PIWIL1: variants seen among roughly 807,000 people sequenced by gnomAD.
The protein encoded by PIWIL1 is piwi like RNA-mediated gene silencing 1.
Under a neutral mutation model 114.4 loss-of-function variants are expected in PIWIL1, and 73 were observed. That is an observed-to-expected ratio of 0.64 (90% CI 0.53 to 0.78). PIWIL1 has a LOEUF of 0.78. Among genes scored for constraint, PIWIL1 ranks in the 30% least tolerant of loss-of-function variants. The pLI is 0.00. For synonymous variants in PIWIL1, 375 were observed against 369.0 expected, an observed-to-expected ratio of 1.02 and a Z score of -0.19; for missense variants, 723 against 1,063.1, an observed-to-expected ratio of 0.68 and a Z score of 4.45.
chr12:130,343,875 G>T (rs1593085345), intron 3 of PIWIL1, among the ~76,000 whole-genome samples: 2 of 152,020 alleles, frequency 1.3e-5, no homozygotes, highest in Admixed American at 6.5e-5. Flanking sequence ...GATCCTCCCG[G>T]CTTAGCCTCC....
rs1287794403 is a variant in PIWIL1 at position 130,348,173 on chromosome 12, C to T, written c.724C>T (p.Pro242Ser). ...YYNPNDPIDIPSHRLVIWPGF... is the reference protein window; with the variant it reads ...YYNPNDPIDISSHRLVIWPGF... ...TAACCCAAATGACCCAATTGATATT[C>T]CAAGTCACAGGTTTGTATGAAGTAG... is the stretch of plus-strand genomic sequence containing the variant. Residue 242 changes from proline (P) to serine (S), a missense_variant, in exon 7 of 21, where the codon CCA becomes TCA. By Grantham distance (74) the Pro-to-Ser change is moderately conservative. Coordinates refer to ENST00000245255, the MANE Select transcript of PIWIL1 (RefSeq NM_004764.5). 2 of 1,589,622 alleles carry T rather than the reference C, an allele frequency of 1.3e-6. No individual in the cohort carries two copies. The highest frequency in any genetic ancestry group is 1.1e-5 in the South Asian group (1 of 90,112).
the PIWIL1 span, among the ~76,000 whole-genome samples, chr12:130,423,921 G>C: frequency 2.6e-5 from 4 of 152,196 alleles, no homozygotes; most frequent in South Asian, 4.2e-4. Context: ...ACTGATTCTG[G>C]GGGGTGGAAA....
the PIWIL1 span, among the ~76,000 whole-genome samples, chr12:130,389,751 A>T: frequency 6.6e-6 from 1 of 151,954 alleles, no homozygotes; most frequent in Non-Finnish European, 1.5e-5. Context: ...ACTGGCTTCT[A>T]CTCTTTATCT....
intron 6 of PIWIL1, 75 bp from the exon 7 acceptor site, chr12:130,348,028 C>A: frequency 9.8e-7 from 1 of 1,022,682 alleles, no homozygotes; most frequent in Non-Finnish European, 1.5e-6. Flanking sequence ...AACCCCTGCT[C>A]TAAACGACAT....
chr12:130,399,578 G>T, the PIWIL1 span: 1 of 1,384,916 alleles, frequency 7.2e-7, no homozygotes, highest in South Asian at 1.5e-5. Context: ...GTGTATTTAC[G>T]CTTTTCGGCC....
chr12:130,349,220 C>G lies in PIWIL1; in HGVS notation c.735-19C>G, dbSNP rs753049460. ...TTGAATGTGGAGAGGTTCTTCATGA[C>G]CCCCATCTCGTCTGACAGGTTGGTG... On this transcript the variant is annotated intron_variant, in intron 7 of 20. Coordinates refer to ENST00000245255, the MANE Select transcript of PIWIL1 (RefSeq NM_004764.5). 1 of 1,600,856 alleles carries G rather than the reference C, an allele frequency of 6.2e-7. No homozygotes were observed. Among genetic ancestry groups the G allele is most frequent in the Admixed American group, 1.7e-5 (1 of 59,944 alleles).
At chr12:130,370,261 A>G (rs984651110) in intron 19 of PIWIL1, among the ~76,000 whole-genome samples, 1 of 151,946 alleles carries the variant, frequency 6.6e-6, no homozygotes, top group African/African-American at 2.4e-5. Context: ...AAAAAAAACT[A>G]ATGCGTATTC....
chr12:130,351,339 C>T (rs1307173108), intron 9 of PIWIL1: 3 of 152,102 alleles, frequency 2.0e-5, no homozygotes, highest in Admixed American at 6.5e-5. Flanking sequence ...CTGCCCAGAC[C>T]CCTTTTACTA....
the PIWIL1 span, among the ~76,000 whole-genome samples, chr12:130,401,078 T>A: frequency 6.0e-4 from 91 of 152,306 alleles, no homozygotes; most frequent in Non-Finnish European, 1.1e-3. Flanking sequence ...GTAAACATAC[T>A]TAACACTACT....
chr12:130,404,643 C>G, the PIWIL1 span, among the ~76,000 whole-genome samples: 919 of 152,274 alleles, frequency 6.0e-3, 7 homozygotes, highest in African/African-American at 0.021. Flanking sequence ...AAGAATAAAT[C>G]TATGAATCTT....
chr12:130,422,453 C>T, the PIWIL1 span: 1 of 1,604,388 alleles, frequency 6.2e-7, no homozygotes. This position sits in a 1 kb window ranked among gnomAD's most constrained non-coding sequence, Gnocchi z 5.2. Flanking sequence ...GGCCACTAAC[C>T]GATGGATGGG....
chr12:130,401,138 C>T, the PIWIL1 span, among the ~76,000 whole-genome samples: 1 of 151,816 alleles, frequency 6.6e-6, no homozygotes, highest in African/African-American at 2.4e-5. Context: ...TAAATTGAGA[C>T]AGAGTCTCGC....
chr12:130,411,291 C>T, the PIWIL1 span, among the ~76,000 whole-genome samples: 1 of 152,156 alleles, frequency 6.6e-6, no homozygotes, highest in Non-Finnish European at 1.5e-5. Context: ...TCCATGTCAT[C>T]TGTGAACAGA....
Position 130,371,632 on chromosome 12 carries a change from G to A in PIWIL1, c.*34G>A. 1 of 1,329,642 alleles carries A rather than the reference G, an allele frequency of 7.5e-7. No individual in the cohort carries two copies. The highest frequency in any genetic ancestry group is 1.1e-6 in the Non-Finnish European group (1 of 946,480). The allele number at this position is 1,329,642 out of a possible 1,614,324, so 82.4% of individuals were successfully genotyped here. ...AGACGATGCAGCCGCTTTTCTTTTT[G>A]AAATGACTTTGGGATTTTTTTAAGC... On this transcript the variant is annotated 3_prime_UTR_variant, in exon 21 of 21. Coordinates refer to ENST00000245255, the MANE Select transcript of PIWIL1 (RefSeq NM_004764.5).
chr12:130,425,422 G>A, the PIWIL1 span: 1 of 152,518 alleles, frequency 6.6e-6, no homozygotes, highest in African/African-American at 2.4e-5. Context: ...TAAGATACAA[G>A]CTGCGTGAAA....
intron 19 of PIWIL1, among the ~76,000 whole-genome samples, chr12:130,370,747 G>A (rs1593127248): frequency 6.6e-6 from 1 of 152,246 alleles, no homozygotes; most frequent in East Asian, 1.9e-4. Flanking sequence ...AAGATTCCGT[G>A]GTAAAAGCAT....
chr12:130,366,333 A>T (rs2073656839), intron 18 of PIWIL1: 1 of 152,598 alleles, frequency 6.6e-6, no homozygotes, highest in South Asian at 2.1e-4. Flanking sequence ...GTACTCAAGC[A>T]GACCAGGCAG....
At position 130,356,980 on chromosome 12, in the gene PIWIL1, T is replaced by C. The variant is rs1293271144; in HGVS notation, c.1467T>C (p.Ser489=). The change falls in exon 13 of 21, where the codon AGT becomes AGC. Residue 489 remains serine (S), a synonymous_variant. Coordinates refer to ENST00000245255, the MANE Select transcript of PIWIL1 (RefSeq NM_004764.5). ...AAACAAGAGGTGCACCATTAATTAG[T>C]GTTAAGCCACTAGATAACTGGCTGT... ...SKETRGAPLI[S]VKPLDNWLLI... 1.2e-6 allele frequency: 2 copies of C among 1,613,726 alleles called. No homozygotes were observed. Among genetic ancestry groups the C allele is most frequent in the Non-Finnish European group, 1.7e-6 (2 of 1,179,770 alleles).
At chr12:130,392,443 G>A in the PIWIL1 span, among the ~76,000 whole-genome samples, 27 of 76,482 alleles carry the variant, frequency 3.5e-4, no homozygotes, top group African/African-American at 6.8e-4. Context: ...TCACGTGTCT[G>A]TCAGTTACCT....
Sources: allele counts gnomAD v4.1 joint callset (sites outside exome capture counted in the v4.1 genomes callset), GRCh38; gene constraint gnomAD v4.1.1; non-coding constraint Gnocchi (gnomAD v3.1); transcripts MANE v1.5; gene names NCBI Gene and HGNC (gene_info 2026-07-23, HGNC 2026-07-21).